Variants in SLC14A2 observed in about 807,000 individuals in gnomAD.
SLC14A2 encodes urea transporter 2.
A neutral mutation model predicts 104.6 loss-of-function variants in SLC14A2; 91 were observed. The ratio of observed to expected loss-of-function variants is 0.87; its 90% CI spans 0.73 to 1.04. SLC14A2 has a LOEUF of 1.04. Ranked by LOEUF, SLC14A2 falls within the 50% of genes least tolerant of loss-of-function variation. The pLI is 0.00. For synonymous variants in SLC14A2, 476 were observed against 466.4 expected, an observed-to-expected ratio of 1.02 and a Z score of -0.27; for missense variants, 1,189 against 1,156.0, an observed-to-expected ratio of 1.03 and a Z score of -0.41.
chr18:45,545,378 G>A (rs1334910474), intron 2 of SLC14A2, among the ~76,000 whole-genome samples: 1 of 152,146 alleles, frequency 6.6e-6, no homozygotes, highest in Non-Finnish European at 1.5e-5. Context: ...TAAAACTCAG[G>A]CTGAGGGTCC....
At chr18:45,518,240 CAG>C (rs1280708119) in intron 2 of SLC14A2, among the ~76,000 whole-genome samples, 1 of 152,180 alleles carries the variant, frequency 6.6e-6, no homozygotes, top group African/African-American at 2.4e-5. Context: ...CTGATGCAAA[CAG>C]AGTCCCTGTT....
At chr18:45,547,788 C>T (rs1160018354) in intron 2 of SLC14A2, among the ~76,000 whole-genome samples, 1 of 152,142 alleles carries the variant, frequency 6.6e-6, no homozygotes, top group Non-Finnish European at 1.5e-5. Flanking sequence ...GAAGTTGAAG[C>T]CCAGTATTGA....
intron 2 of SLC14A2, among the ~76,000 whole-genome samples, chr18:45,562,656 G>A (rs186046235): frequency 5.9e-5 from 9 of 152,290 alleles, no homozygotes; most frequent in Non-Finnish European, 8.8e-5. Context: ...GCCGGCCTGG[G>A]TGGTATTTTT....
At chr18:45,603,312 G>T (rs1436383051) in intron 2 of SLC14A2, among the ~76,000 whole-genome samples, 1 of 151,912 alleles carries the variant, frequency 6.6e-6, no homozygotes, top group African/African-American at 2.4e-5. Flanking sequence ...GTCTCTTGTT[G>T]GTCCATAATT....
At chr18:45,321,464 T>TA (rs1366136810) in intron 1 of SLC14A2, among the ~76,000 whole-genome samples, 2 of 152,360 alleles carry the variant, frequency 1.3e-5, no homozygotes, top group African/African-American at 4.8e-5. Context: ...GGATGCATTT[T>TA]AAAAAGCTAG....
rs575861153 is a variant in SLC14A2, at chr18:45,638,279, C to T, written c.843+1097C>T. 6.6e-5 allele frequency among the ~76,000 whole-genome samples: 10 copies of T among 152,244 alleles called. No individual in the cohort carries two copies. In the South Asian group the frequency reaches 1.5e-3, roughly 22 times the overall value. The stretch of plus-strand genomic sequence containing the variant: ...AGTACCCCTCCCTTGCCATTCCTTT[C>T]GCAAGATTATAAACTCTGGTCCAAA... On this transcript the variant is annotated intron_variant, in intron 6 of 19. Coordinates refer to ENST00000255226, the MANE Select transcript of SLC14A2 (RefSeq NM_007163.4).
chr18:45,579,138 G>C lies in SLC14A2; in HGVS notation c.-34-45493G>C, dbSNP rs139402039. 4.9e-3 allele frequency among the ~76,000 whole-genome samples: 749 copies of C among 152,350 alleles called. 4 individuals are homozygous for C. Among genetic ancestry groups the C allele is most frequent in the Non-Finnish European group, 7.2e-3 (487 of 68,038 alleles). On this transcript the variant is annotated intron_variant, in intron 2 of 20. Transcript: ENST00000586448. ...TAGACTCAGGACTAGAAAAGAAAAT[G>C]TCACTTCTGCCATATTCTACTGGTC...
chr18:45,246,816 C>A (rs2084371836), intron 1 of SLC14A2, among the ~76,000 whole-genome samples: 1 of 152,066 alleles, frequency 6.6e-6, no homozygotes, highest in Non-Finnish European at 1.5e-5. Flanking sequence ...CGAGACCAGC[C>A]TGGCCAAATA....
At chr18:45,529,875 A>T (rs1030563830) in intron 2 of SLC14A2, 2 of 152,144 alleles carry the variant, frequency 1.3e-5, no homozygotes, top group African/African-American at 4.8e-5. Context: ...TCAATTCCTC[A>T]AAATAGGCAT....
intron 10 of SLC14A2, among the ~76,000 whole-genome samples, chr18:45,654,108 T>C (rs971718201): frequency 1.3e-5 from 2 of 149,084 alleles, no homozygotes; most frequent in African/African-American, 5.0e-5. Flanking sequence ...CCCCAGGGAG[T>C]TTAGGAAATA....
chr18:45,622,341 T>C (rs1279457556), intron 1 of SLC14A2, among the ~76,000 whole-genome samples: 1 of 152,120 alleles, frequency 6.6e-6, no homozygotes, highest in Non-Finnish European at 1.5e-5. Flanking sequence ...TCTGAAGGAA[T>C]GGCTTGGAAG....
intron 2 of SLC14A2, among the ~76,000 whole-genome samples, chr18:45,608,604 C>T (rs532684189): frequency 6.6e-6 from 1 of 152,306 alleles, no homozygotes; most frequent in East Asian, 1.9e-4. Flanking sequence ...CCAGTGATGT[C>T]CAGACAAATT....
chr18:45,493,472 A>G (rs2043036796), intron 2 of SLC14A2, among the ~76,000 whole-genome samples: 1 of 151,986 alleles, frequency 6.6e-6, no homozygotes, highest in Non-Finnish European at 1.5e-5. Flanking sequence ...CAACACCTAT[A>G]ATAACAACAG....
chr18:45,317,266 T>G (rs929172137), intron 1 of SLC14A2, among the ~76,000 whole-genome samples: 1 of 152,170 alleles, frequency 6.6e-6, no homozygotes, highest in African/African-American at 2.4e-5. Context: ...AGTGAAGACA[T>G]GGGGTGCACA....
chr18:45,177,874 G>A, the SLC14A2 span, among the ~76,000 whole-genome samples: 1 of 152,178 alleles, frequency 6.6e-6, no homozygotes, highest in Non-Finnish European at 1.5e-5. Context: ...CCGAAGTAAA[G>A]ATTTTTAGAT....
intron 1 of SLC14A2, among the ~76,000 whole-genome samples, chr18:45,290,859 T>C (rs189419410): frequency 6.6e-6 from 1 of 152,322 alleles, no homozygotes; most frequent in Admixed American, 6.5e-5. Flanking sequence ...TAGAACACAG[T>C]GCTGCCTGAG....
At chr18:45,532,972 T>TTGGTTCTG (rs1334991688) in intron 2 of SLC14A2, among the ~76,000 whole-genome samples, 1 of 152,200 alleles carries the variant, frequency 6.6e-6, no homozygotes, top group Non-Finnish European at 1.5e-5. Flanking sequence ...GTTTTTGTCT[T>TTGGTTCTG]TGGTTCTGTT....
Position 45,312,478 on chromosome 18 carries a change from C to G in SLC14A2, c.-125+99287C>G, listed in dbSNP as rs182223404. Among the ~76,000 whole-genome samples the G allele has an allele frequency of 3.3e-3, 500 of 152,196 alleles. 2 individuals carry two copies. The highest frequency in any genetic ancestry group is 0.011 in the African/African-American group (474 of 41,510). On this transcript the variant is annotated intron_variant, in intron 1 of 20. Coordinates refer to the SLC14A2 transcript ENST00000586448. ...GGGTATTGACCTAAGATGAATTTCTCTTTGATGAACTCCATACTGCTCTTC... is the reference window on the plus strand; with the variant it reads ...GGGTATTGACCTAAGATGAATTTCTGTTTGATGAACTCCATACTGCTCTTC...
rs911414637 is a variant in SLC14A2 at position 45,663,477 on chromosome 18, C to A, written c.1352-308C>A. 3.3e-5 allele frequency among the ~76,000 whole-genome samples: 5 copies of A among 152,298 alleles called. No homozygotes were observed. In the East Asian group the frequency reaches 9.6e-4, roughly 29 times the overall value. ...AGACGCTGGCTGCCACCTGCTCATG[C>A]CAGTGCAAGTTGCAGCTAAATGGGT... On this transcript the variant is annotated intron_variant, in intron 10 of 19. Transcript: ENST00000255226.
Sources: allele counts gnomAD v4.1 joint callset (sites outside exome capture counted in the v4.1 genomes callset), GRCh38; gene constraint gnomAD v4.1.1; transcripts MANE v1.5; gene names NCBI Gene and HGNC (gene_info 2026-07-23, HGNC 2026-07-21).